Variants in ARHGAP27 observed in about 807,000 individuals in gnomAD.
The protein encoded by ARHGAP27 is rho GTPase-activating protein 27.
Under a neutral mutation model 102.0 loss-of-function variants are expected in ARHGAP27, and 53 were observed. The observed-to-expected ratio is 0.52, with a 90% confidence interval of 0.42 to 0.65. The LOEUF (loss-of-function observed/expected upper bound fraction) is 0.65. ARHGAP27 is among the 30% of genes least tolerant of loss of function. The probability of loss-of-function intolerance (pLI) is 0.00; values close to 1 mark genes in which losing one functional copy is unlikely to be tolerated. For synonymous variants in ARHGAP27, 525 were observed against 542.8 expected (o/e 0.97, Z 0.46); for missense variants, 1,117 against 1,256.2 (o/e 0.89, Z 1.68).
Position 45,402,715 on chromosome 17 carries a change from T to C in ARHGAP27, c.1742A>G (p.Glu581Gly). ...KDKSSRKNVL[E>G]LRSRDGSEYL... ...CTTCTCCCCAACCCCGCCACTCACC[T>C]CCAGCACATTCTTCCTACTGGATTT... The change falls in exon 12 of 20, where the codon GAG becomes GGG. Residue 581 changes from glutamate to glycine, a missense_variant and splice_region_variant. Transcript: ENST00000685559. 6.2e-7 allele frequency: 1 copy of C among 1,610,098 alleles called. No individual in the cohort carries two copies. Among genetic ancestry groups the C allele is most frequent in the Non-Finnish European group, 8.5e-7 (1 of 1,176,598 alleles).
chr17:45,396,631 C>G (rs749287523), intron 15 of ARHGAP27, 37 bp downstream of exon 15: 27 of 1,612,052 alleles, frequency 1.7e-5, no homozygotes, highest in Admixed American at 1.5e-4. Flanking sequence ...CGCCCCGTCC[C>G]GGTCCCGGGT....
In ARHGAP27 at chr17:45,430,238, C is replaced by T. The variant is rs2049953192; in HGVS notation, c.42G>A (p.Glu14=). The change falls in exon 4 of 20, where the codon GAG becomes GAA. Residue 14 remains glutamate (E), a synonymous_variant. Transcript: ENST00000685559. The surrounding 1 kb of genome is among the most constrained non-coding windows in gnomAD (Gnocchi z 4.4). ...CCTTGCCGGTGTACTCGAAGGGGTG[C>T]TCCACCAGCACGTACACGTCCCCCA... ...DVVGDVYVLV[E]HPFEYTGKDG... is the part of the protein sequence containing the mutation. 3 of 1,576,260 alleles carry T rather than the reference C, an allele frequency of 1.9e-6. No homozygotes were observed. Among genetic ancestry groups the T allele is most frequent in the Non-Finnish European group, 1.7e-6 (2 of 1,169,492 alleles).
At chr17:45,417,987 A>G (rs1461887942) in intron 4 of ARHGAP27, among the ~76,000 whole-genome samples, 2 of 151,040 alleles carry the variant, frequency 1.3e-5, no homozygotes, top group African/African-American at 4.9e-5. Flanking sequence ...TCGGGAGCGG[A>G]GATCGTGCCA....
chr17:45,404,341 G>T lies in ARHGAP27; in HGVS notation c.1414-7C>A. ...CATCCAGCTCTGCTGGGACCTATGGGGGAAGACAGATAGATCCCACCAAGT... is the reference window on the plus strand; with the variant it reads ...CATCCAGCTCTGCTGGGACCTATGGTGGAAGACAGATAGATCCCACCAAGT... On this transcript the variant is annotated splice_polypyrimidine_tract_variant and splice_region_variant and intron_variant, in intron 8 of 19. Coordinates refer to ENST00000685559, the MANE Select transcript of ARHGAP27 (RefSeq NM_001282290.2). 1 of 1,613,958 alleles carries T rather than the reference G, an allele frequency of 6.2e-7. No individual in the cohort carries two copies. Among genetic ancestry groups the T allele is most frequent in the Non-Finnish European group, 8.5e-7 (1 of 1,179,920 alleles).
chr17:45,395,702 C>T (rs922069165), intron 19 of ARHGAP27, 42 bp downstream of exon 19: 4 of 1,567,454 alleles, frequency 2.6e-6, no homozygotes, highest in Admixed American at 1.8e-5. Flanking sequence ...GGGCTTCAGC[C>T]GGGACCTGCC....
chr17:45,395,692 G>A, intron 19 of ARHGAP27, 52 bp downstream of exon 19: 1 of 1,569,204 alleles, frequency 6.4e-7, no homozygotes, highest in Non-Finnish European at 8.6e-7. Context: ...GAGGCGCTGG[G>A]GGCTTCAGCC....
intron 4 of ARHGAP27, among the ~76,000 whole-genome samples, chr17:45,413,419 C>T (rs945167819): frequency 1.9e-4 from 29 of 152,146 alleles, no homozygotes; most frequent in African/African-American, 6.8e-4. Flanking sequence ...GACTTGGACT[C>T]TTGTCTAGAC....
rs2045702406 is a variant in ARHGAP27 at position 45,396,512 on chromosome 17, C to T, written c.2148G>A (p.Gln716=). The T allele has an allele frequency of 1.9e-6, 3 of 1,568,918 alleles. No individual in the cohort carries two copies. In the East Asian group the frequency reaches 7.0e-5, roughly 37 times the overall value. Residue 716 remains glutamine, a synonymous_variant, in exon 16 of 20, where the codon CAG becomes CAA. Transcript: ENST00000685559. The part of the protein sequence containing the change: ...ERSRVPRFVQ[Q]CIRAVEARGL... ...CGCGGGCCTCGACGGCGCGGATGCACTGCTGCACGAAGCGTGGCACCCGGC... is the reference window on the plus strand; with the variant it reads ...CGCGGGCCTCGACGGCGCGGATGCATTGCTGCACGAAGCGTGGCACCCGGC...
chr17:45,396,916 C>A lies in ARHGAP27; in HGVS notation c.1951G>T (p.Ala651Ser), dbSNP rs2045804800. The change falls in exon 14 of 20, where the codon GCC becomes TCC. Residue 651 changes from alanine (A) to serine (S), a missense_variant and splice_region_variant. Physicochemically the swap from Ala to Ser is moderately conservative, Grantham distance 99 (BLOSUM62 1). Transcript: ENST00000685559. ...EKEEDARPNA[A>S]APALGPVGLE... ...CCACCCCATCCTGCCTTGCGCACAC[C>A]TGCATTCGGTCGCGCGTCCTCCTCT... The A allele has an allele frequency of 6.2e-7, 1 of 1,606,950 alleles. No homozygotes were observed. The highest frequency in any genetic ancestry group is 8.5e-7 in the Non-Finnish European group (1 of 1,179,972).
rs777930326 is a variant in ARHGAP27 at position 45,395,733 on chromosome 17, G to T, written c.2492+11C>A. ...CTGCCTCCCCCTTCCCGCGCGGGCC[G>T]CCCGGCTCACCGGCAGAGGTGCTGG... On this transcript the variant is annotated intron_variant, in intron 19 of 19. Transcript: ENST00000685559. 84 of 1,583,484 alleles carry T rather than the reference G, an allele frequency of 5.3e-5. No individual in the cohort carries two copies. The highest frequency in any genetic ancestry group is 1.7e-4 in the Middle Eastern group (1 of 6,034).
chr17:45,431,168 G>A (rs927800034), intron 3 of ARHGAP27, among the ~76,000 whole-genome samples: 1 of 152,100 alleles, frequency 6.6e-6, no homozygotes, highest in African/African-American at 2.4e-5. Context: ...CTATAAGTGC[G>A]GAGTCCCAGA....
chr17:45,404,154 G>C, intron 9 of ARHGAP27, 58 bp from the exon 10 acceptor site: 9 of 1,609,264 alleles, frequency 5.6e-6, no homozygotes, highest in Non-Finnish European at 7.7e-6. Context: ...TGAGCTATGG[G>C]GAGTAGAGGC....
At chr17:45,418,910 T>G (rs2048745605) in intron 4 of ARHGAP27, among the ~76,000 whole-genome samples, 1 of 152,196 alleles carries the variant, frequency 6.6e-6, no homozygotes, top group South Asian at 2.1e-4. Flanking sequence ...GAATTCCTGC[T>G]GGTGTTTTGA....
Position 45,395,829 on chromosome 17 carries a change from G to A in ARHGAP27, c.2407C>T (p.Arg803Cys). The A allele has an allele frequency of 2.5e-6, 4 of 1,602,016 alleles. No individual in the cohort carries two copies. The highest frequency in any genetic ancestry group is 3.4e-6 in the Non-Finnish European group (4 of 1,175,186). ...AAIKLQDQAR[R>C]SRCVRDLVRS... is the part of the protein sequence containing the mutation. ...ACCAAGTCACGCACACAGCGGCTGC[G>A]CCGGGCCTGGTCCTGCAACTCTGGG... Residue 803 changes from arginine to cysteine, a missense_variant, in exon 19 of 20, where the codon CGC becomes TGC. Arg to Cys is a radical substitution (Grantham distance 180, BLOSUM62 -3). Coordinates refer to ENST00000685559, the MANE Select transcript of ARHGAP27 (RefSeq NM_001282290.2).
rs1364402517 is a variant in ARHGAP27 at position 45,397,986 on chromosome 17, G to A, written c.1805C>T (p.Thr602Ile). The change falls in exon 13 of 20, where the codon ACC becomes ATC. Residue 602 changes from threonine to isoleucine, a missense_variant. This residue lies in a region of ARHGAP27 where 493 missense variants were observed against 505.5 expected (regional missense o/e 0.98). Coordinates refer to ENST00000685559, the MANE Select transcript of ARHGAP27 (RefSeq NM_001282290.2). ...IQHDSEAIIS[T>I]WHKAIAQGIQ... The stretch of plus-strand genomic sequence containing the variant: ...GCCCTGAGCAATGGCCTTATGCCAG[G>A]TGCTGATGATGGCCTCCGAGTCGTG... The A allele has an allele frequency of 5.0e-6, 8 of 1,611,048 alleles. No individual in the cohort carries two copies. The Admixed American group carries it at 5.0e-5, about 10-fold the overall frequency.
chr17:45,411,329 G>C (rs2144709427), intron 4 of ARHGAP27, among the ~76,000 whole-genome samples: 1 of 152,148 alleles, frequency 6.6e-6, no homozygotes, highest in South Asian at 2.1e-4. Flanking sequence ...GGGCCAGGCA[G>C]CACTAAGCCC....
chr17:45,421,221 G>A (rs922344366), intron 4 of ARHGAP27, among the ~76,000 whole-genome samples: 4 of 148,346 alleles, frequency 2.7e-5, no homozygotes, highest in Admixed American at 6.9e-5. Context: ...GCTCATGCCT[G>A]TAATCCCAGA....
intron 4 of ARHGAP27, chr17:45,408,680 G>A: frequency 6.6e-6 from 1 of 152,318 alleles, no homozygotes; most frequent in Non-Finnish European, 1.5e-5. Context: ...GTTTGCTCCA[G>A]CCATTCCCTC....
chr17:45,423,633 C>A (rs2049261095), intron 4 of ARHGAP27, among the ~76,000 whole-genome samples: 1 of 152,172 alleles, frequency 6.6e-6, no homozygotes, highest in African/African-American at 2.4e-5. Flanking sequence ...CCATGCCATA[C>A]AATATCATAA....
Sources: gnomAD v4.1 joint callset for allele counts (sites outside exome capture counted in the v4.1 genomes callset) on GRCh38, gnomAD v4.1.1 for gene constraint, gnomAD v4.1.1 regional missense constraint, Gnocchi (gnomAD v3.1) non-coding constraint, MANE v1.5 for transcripts, NCBI Gene and HGNC (gene_info 2026-07-23, HGNC 2026-07-21) for gene names.